The following RGS22 variants were observed in gnomAD, a reference collection of about 807,000 sequenced individuals.
RGS22 encodes the protein regulator of G-protein signaling 22.
Under a neutral mutation model 172.9 loss-of-function variants are expected in RGS22, and 148 were observed. The ratio of observed to expected loss-of-function variants is 0.86; its 90% CI spans 0.75 to 0.98. The LOEUF is 0.98. Ranked by LOEUF, RGS22 falls within the 50% of genes least tolerant of loss-of-function variation. The pLI is 0.00. For synonymous variants in RGS22, 458 were observed against 480.2 expected (o/e 0.95, Z 0.60); for missense variants, 1,347 against 1,440.8 (o/e 0.93, Z 1.05).
At chr8:100,054,684 A>C (rs1405047418) in intron 9 of RGS22, among the ~76,000 whole-genome samples, 1 of 152,186 alleles carries the variant, frequency 6.6e-6, no homozygotes, top group African/African-American at 2.4e-5. Context: ...AGAGAATCCA[A>C]AGTCCATAAT....
intron 9 of RGS22, among the ~76,000 whole-genome samples, chr8:100,062,139 G>T (rs1296228803): frequency 1.3e-5 from 2 of 152,060 alleles, no homozygotes; most frequent in Non-Finnish European, 2.9e-5. Flanking sequence ...ACACACTGGG[G>T]CCTATCAGAG....
chr8:100,010,596 T>C (rs1283792787), intron 14 of RGS22, among the ~76,000 whole-genome samples: 2 of 152,242 alleles, frequency 1.3e-5, no homozygotes, highest in Non-Finnish European at 2.9e-5. Context: ...AATGCAGTTA[T>C]GTATTTATGT....
At chr8:100,051,463 T>A (rs1426465898) in intron 10 of RGS22, among the ~76,000 whole-genome samples, 1 of 109,640 alleles carries the variant, frequency 9.1e-6, no homozygotes, top group African/African-American at 3.5e-5. Flanking sequence ...ATATTATATA[T>A]AAATATATAT....
chr8:99,963,976 A>G (rs548822289), intron 24 of RGS22, among the ~76,000 whole-genome samples: 1 of 152,316 alleles, frequency 6.6e-6, no homozygotes, highest in Non-Finnish European at 1.5e-5. Flanking sequence ...TTTATAAAAT[A>G]TCTTTGGTTT....
chr8:100,029,951 T>C (rs1818614974), intron 14 of RGS22, among the ~76,000 whole-genome samples: 2 of 152,126 alleles, frequency 1.3e-5, no homozygotes, highest in South Asian at 2.1e-4. Flanking sequence ...AATAGCAGAA[T>C]GAAATCTGAA....
intron 4 of RGS22, among the ~76,000 whole-genome samples, chr8:100,072,828 C>T (rs2446930): frequency 0.39 from 59,434 of 152,000 alleles, 12,091 homozygotes; most frequent in East Asian, 0.55. Flanking sequence ...ACTTCACTCT[C>T]TGACCCGAAG....
Position 100,063,645 on chromosome 8 carries a change from C to T in RGS22, c.1123G>A (p.Glu375Lys). ...GTTTGTTCTATCTCTTCTGACCTCT[C>T]CTTTGTAGTTTGAACTAATTCACTT... ...FLSELVQTTKERSEEIEQTSL... is the reference protein window; with the variant it reads ...FLSELVQTTKKRSEEIEQTSL... Residue 375 changes from glutamate to lysine, a missense_variant, in exon 8 of 28, where the codon GAG (glutamate) becomes AAG (lysine). Coordinates refer to ENST00000360863, the MANE Select transcript of RGS22 (RefSeq NM_015668.5). The T allele has an allele frequency of 1.2e-6, 2 of 1,614,096 alleles. No individual in the cohort carries two copies.
chr8:100,055,977 G>A (rs1391378146), intron 9 of RGS22, among the ~76,000 whole-genome samples: 1 of 152,192 alleles, frequency 6.6e-6, no homozygotes, highest in Non-Finnish European at 1.5e-5. Context: ...GGCAGAGGTT[G>A]GAACAGTTTG....
chr8:100,105,348 A>T, intron 2 of RGS22, 26 bp downstream of exon 2: 1 of 1,590,196 alleles, frequency 6.3e-7, no homozygotes, highest in Non-Finnish European at 8.6e-7. Flanking sequence ...CCAAAGAAAA[A>T]AATAGCCCCT....
rs144757336 is a variant in RGS22, at chr8:100,037,147, A to C, written c.2166+1784T>G. Among the ~76,000 whole-genome samples the C allele has an allele frequency of 2.4e-3, 361 of 152,246 alleles. 3 individuals carry two copies. The highest frequency in any genetic ancestry group is 8.2e-3 in the African/African-American group (340 of 41,544). Reference sequence around the variant, plus strand: ...GACAATTGCTCCTGTAACCAAAAAAATAAAGTTGGGCATGGTGGTGCATGC... The same window carrying C: ...GACAATTGCTCCTGTAACCAAAAAACTAAAGTTGGGCATGGTGGTGCATGC... On this transcript the variant is annotated intron_variant, in intron 14 of 27. Coordinates refer to ENST00000360863, the MANE Select transcript of RGS22 (RefSeq NM_015668.5).
At chr8:100,014,858 T>C (rs1475388336) in intron 14 of RGS22, among the ~76,000 whole-genome samples, 2 of 152,184 alleles carry the variant, frequency 1.3e-5, no homozygotes, top group Non-Finnish European at 2.9e-5. Context: ...CTTCTATTCA[T>C]CCTAAAGACT....
intron 12 of RGS22, among the ~76,000 whole-genome samples, chr8:100,040,463 C>T (rs1229930799): frequency 6.6e-6 from 1 of 151,836 alleles, no homozygotes; most frequent in Non-Finnish European, 1.5e-5. Flanking sequence ...TGAAGTGCTG[C>T]TATTATAGCT....
chr8:99,972,122 C>T (rs1188457350), intron 23 of RGS22, among the ~76,000 whole-genome samples: 3 of 152,122 alleles, frequency 2.0e-5, no homozygotes, highest in Admixed American at 2.0e-4. Flanking sequence ...TGATCTTCGA[C>T]AAACCTGACA....
At chr8:100,097,771 T>G (rs1813090951) in intron 2 of RGS22, among the ~76,000 whole-genome samples, 1 of 152,212 alleles carries the variant, frequency 6.6e-6, no homozygotes, top group Non-Finnish European at 1.5e-5. Context: ...GGGACTGACC[T>G]CGGTTCACCG....
intron 4 of RGS22, among the ~76,000 whole-genome samples, chr8:100,074,784 T>C (rs531232056): frequency 1.3e-3 from 194 of 152,314 alleles, no homozygotes; most frequent in Non-Finnish European, 1.9e-3. Flanking sequence ...GTGGTTTTTT[T>C]TGAGATGGAG....
chr8:100,097,682 A>G (rs1390508612), intron 2 of RGS22, among the ~76,000 whole-genome samples: 1 of 152,212 alleles, frequency 6.6e-6, no homozygotes, highest in Non-Finnish European at 1.5e-5. Flanking sequence ...AGATTCTCAA[A>G]TCAGCATCGT....
intron 10 of RGS22, among the ~76,000 whole-genome samples, chr8:100,049,612 C>G (rs935742572): frequency 2.0e-5 from 3 of 152,090 alleles, no homozygotes; most frequent in African/African-American, 7.2e-5. Context: ...GTTGTTTGTA[C>G]AAATGTTCAT....
chr8:99,983,906 A>G (rs546241784), intron 21 of RGS22, among the ~76,000 whole-genome samples: 4 of 152,242 alleles, frequency 2.6e-5, no homozygotes, highest in Non-Finnish European at 5.9e-5. Context: ...ATAATTTGGT[A>G]TAAGTTAAGT....
At chr8:99,981,812 T>A in intron 22 of RGS22, 125 bp downstream of exon 22, 1 of 634,802 alleles carries the variant, frequency 1.6e-6, no homozygotes, top group Admixed American at 3.4e-5. Flanking sequence ...TCTGCCTGCC[T>A]CAGCCTCCCA....
Sources: allele counts gnomAD v4.1 joint callset (sites outside exome capture counted in the v4.1 genomes callset), GRCh38; gene constraint gnomAD v4.1.1; transcripts MANE v1.5; gene names NCBI Gene and HGNC (gene_info 2026-07-23, HGNC 2026-07-21).